Variants in COBL observed in about 807,000 individuals in gnomAD.
COBL encodes cordon-bleu WH2 repeat protein, also known as protein cordon-bleu.
Under a neutral mutation model 98.8 loss-of-function variants are expected in COBL, and 51 were observed. The observed-to-expected ratio is 0.52, with a 90% confidence interval of 0.41 to 0.65. The LOEUF (loss-of-function observed/expected upper bound fraction) is 0.65, where lower values mean the gene tolerates loss of function less well. COBL is among the 30% of genes least tolerant of loss of function. The pLI, the probability that COBL is intolerant of heterozygous loss-of-function variation, is 0.00. For missense variants in COBL, 1,617 were observed against 1,617.5 expected, an observed-to-expected ratio of 1.00 and a Z score of 0.01; for synonymous variants, 634 against 651.7, an observed-to-expected ratio of 0.97 and a Z score of 0.41.
chr7:51,245,431 A>G (rs1002666262), intron 1 of COBL, among the ~76,000 whole-genome samples: 2 of 152,234 alleles, frequency 1.3e-5, no homozygotes, highest in African/African-American at 4.8e-5. Flanking sequence ...CTTTCTCCAC[A>G]GCTCTACAAC....
chr7:51,027,951 G>T lies in COBL; in HGVS notation c.3145C>A (p.Pro1049Thr). Reference protein sequence around the residue: ...GSVRAPGHGEPSHPPGGSGTE... With the variant: ...GSVRAPGHGETSHPPGGSGTE... ...CCAGACCCTCCTGGAGGGTGGGAAG[G>T]CTCGCCGTGGCCTGGGGCGCGCACA... is the stretch of plus-strand genomic sequence containing the variant. The change falls in exon 10 of 13, where the codon CCT (proline) becomes ACT (threonine). Residue 1049 changes from proline to threonine, a missense_variant. Around this residue, in one of 3 missense-constraint regions of COBL, gnomAD observed 1,304 missense variants for 1,282.0 expected, o/e 1.02. Coordinates refer to ENST00000265136, the MANE Select transcript of COBL (RefSeq NM_015198.5). 1 of 1,611,718 alleles carries T rather than the reference G, an allele frequency of 6.2e-7. No individual in the cohort carries two copies. Among genetic ancestry groups the T allele is most frequent in the African/African-American group, 1.3e-5 (1 of 74,958 alleles).
chr7:51,230,537 T>C (rs1794648777), intron 1 of COBL, among the ~76,000 whole-genome samples: 1 of 152,130 alleles, frequency 6.6e-6, no homozygotes. Flanking sequence ...CCTGCTCCAC[T>C]GCTGCTCGGG....
chr7:51,238,023 C>T (rs1007258777), intron 1 of COBL, among the ~76,000 whole-genome samples: 4 of 152,144 alleles, frequency 2.6e-5, no homozygotes, highest in East Asian at 1.9e-4. Context: ...CAAAGGGGAA[C>T]GAAGAAGGAA....
At chr7:51,204,663 G>C (rs1029592973) in intron 2 of COBL, among the ~76,000 whole-genome samples, 3 of 151,012 alleles carry the variant, frequency 2.0e-5, no homozygotes, top group Non-Finnish European at 4.4e-5. Flanking sequence ...CAATTCTGCT[G>C]CCTCAGCCTC....
chr7:51,061,979 A>ACACACACACACACT (rs1791423959), intron 7 of COBL, among the ~76,000 whole-genome samples: 5 of 151,270 alleles, frequency 3.3e-5, no homozygotes, highest in Admixed American at 6.6e-5. Context: ...ACACACACAC[A>ACACACACACACACT]CACTCATAAA....
chr7:51,162,516 T>C (rs192864459), intron 5 of COBL, among the ~76,000 whole-genome samples: 3 of 152,218 alleles, frequency 2.0e-5, no homozygotes, highest in African/African-American at 7.2e-5. Flanking sequence ...ATTTTTTTAA[T>C]GCAAATCTAT....
chr7:51,303,298 C>A (rs779915801), intron 1 of COBL, among the ~76,000 whole-genome samples: 5 of 152,168 alleles, frequency 3.3e-5, no homozygotes, highest in Admixed American at 3.3e-4. Context: ...TGGTGGCTCA[C>A]ACCTGTAATC....
At chr7:51,185,009 T>C (rs1194811721) in intron 4 of COBL, among the ~76,000 whole-genome samples, 2 of 152,204 alleles carry the variant, frequency 1.3e-5, no homozygotes, top group African/African-American at 4.8e-5. Flanking sequence ...TCCTTTCAAA[T>C]TACATTCTCT....
intron 8 of COBL, chr7:51,032,591 G>A (rs951169259): frequency 2.6e-5 from 4 of 152,122 alleles, no homozygotes; most frequent in African/African-American, 9.7e-5. Flanking sequence ...TGTCCATTTG[G>A]GAGCCAGGAA....
intron 1 of COBL, among the ~76,000 whole-genome samples, chr7:51,248,131 A>G (rs1039641888): frequency 6.6e-6 from 1 of 152,208 alleles, no homozygotes; most frequent in African/African-American, 2.4e-5. Flanking sequence ...AGAGCAAAAC[A>G]GGCTTTGCAC....
chr7:51,096,777 T>C (rs1167425838), intron 6 of COBL, among the ~76,000 whole-genome samples: 1 of 152,146 alleles, frequency 6.6e-6, no homozygotes. Context: ...ACATATATCC[T>C]ACTAAGACTG....
chr7:51,233,234 C>T (rs1794934492), intron 1 of COBL, among the ~76,000 whole-genome samples: 1 of 152,194 alleles, frequency 6.6e-6, no homozygotes, highest in Non-Finnish European at 1.5e-5. Flanking sequence ...CTGGCCAAAT[C>T]AGTGCTGCCT....
At chr7:51,225,408 G>A (rs1036194085) in intron 1 of COBL, among the ~76,000 whole-genome samples, 2 of 152,198 alleles carry the variant, frequency 1.3e-5, no homozygotes, top group Non-Finnish European at 2.9e-5. Flanking sequence ...CCCGGCTCCT[G>A]CTGGGCACAC....
chr7:51,096,831 C>T (rs1265795729), intron 6 of COBL, among the ~76,000 whole-genome samples: 2 of 152,088 alleles, frequency 1.3e-5, no homozygotes, highest in Admixed American at 1.3e-4. Flanking sequence ...TATAAGCAGT[C>T]AGGAAATCGA....
intron 1 of COBL, among the ~76,000 whole-genome samples, chr7:51,307,348 C>CAAAACAAAAACA (rs376773501): frequency 0.3 from 43,802 of 148,260 alleles, 7,610 homozygotes; most frequent in Non-Finnish European, 0.39. Context: ...GACTCCATCT[C>CAAAACAAAAACA]AAAACAAAAA....
intron 1 of COBL, among the ~76,000 whole-genome samples, chr7:51,278,770 C>T (rs573939003): frequency 1.1e-3 from 163 of 152,310 alleles, no homozygotes; most frequent in African/African-American, 3.9e-3. Flanking sequence ...AATAACAGCA[C>T]ACTTTTTTAC....
At chr7:51,133,622 T>C (rs1431530841) in intron 6 of COBL, among the ~76,000 whole-genome samples, 9 of 152,190 alleles carry the variant, frequency 5.9e-5, no homozygotes, top group Admixed American at 5.2e-4. Flanking sequence ...CCTGAGAGCA[T>C]AAGGTGCCTT....
Position 51,028,593 on chromosome 7 carries a change from G to A in COBL, c.2503C>T (p.Gln835Ter), listed in dbSNP as rs1363711610. The A allele has an allele frequency of 3.1e-6, 5 of 1,614,052 alleles. No homozygotes were observed. The highest frequency in any genetic ancestry group is 1.3e-5 in the African/African-American group (1 of 74,956). The change falls in exon 10 of 13, where the codon CAG (glutamine) becomes TAG (stop). Residue 835 changes from glutamine to a stop codon, truncating the protein, a stop_gained. Coordinates refer to ENST00000265136, the MANE Select transcript of COBL (RefSeq NM_015198.5). LOFTEE classifies it high-confidence loss of function. ...GRNPLGEGRN[Q>*]PPTMGMGHVR... ...TGACCCATGCCCATGGTGGGGGGCT[G>A]GTTTCTCCCCTCCCCTAGGGGGTTC...
intron 8 of COBL, among the ~76,000 whole-genome samples, chr7:51,036,531 G>A (rs1788658857): frequency 6.6e-6 from 1 of 152,116 alleles, no homozygotes; most frequent in South Asian, 2.1e-4. Context: ...GTTGGCTGGT[G>A]TGATCTGGGT....
Sources: allele counts gnomAD v4.1 joint callset (sites outside exome capture counted in the v4.1 genomes callset), GRCh38; gene constraint gnomAD v4.1.1; regional missense constraint gnomAD v4.1.1; transcripts MANE v1.5; gene names NCBI Gene and HGNC (gene_info 2026-07-23, HGNC 2026-07-21).